Variants in ICA1 observed in about 807,000 individuals in gnomAD.
The protein encoded by ICA1 is 69 kDa islet cell autoantigen.
A neutral mutation model predicts 71.0 loss-of-function variants in ICA1; 40 were observed. That is an observed-to-expected ratio of 0.56 (90% CI 0.44 to 0.73). The LOEUF is 0.73. ICA1 is among the 30% of genes least tolerant of loss of function. The pLI, the probability that ICA1 is intolerant of heterozygous loss-of-function variation, is 0.00. For synonymous variants in ICA1, 207 were observed against 209.5 expected (o/e 0.99, Z 0.10); for missense variants, 578 against 576.5 (o/e 1.00, Z -0.03).
At chr7:8,211,288 T>A (rs1475860513) in intron 6 of ICA1, among the ~76,000 whole-genome samples, 1 of 152,306 alleles carries the variant, frequency 6.6e-6, no homozygotes, top group Non-Finnish European at 1.5e-5. Flanking sequence ...AGAGCTTGCC[T>A]TGTGCCATGT....
intron 6 of ICA1, among the ~76,000 whole-genome samples, chr7:8,165,178 T>A (rs1230924164): frequency 6.6e-6 from 1 of 152,236 alleles, no homozygotes; most frequent in Non-Finnish European, 1.5e-5. Context: ...AACCAAGACC[T>A]CTCGAGGGCC....
intron 6 of ICA1, among the ~76,000 whole-genome samples, chr7:8,184,319 T>C (rs554724813): frequency 1.3e-5 from 2 of 152,368 alleles, no homozygotes; most frequent in East Asian, 1.9e-4. Flanking sequence ...GCCATTTCCA[T>C]GCTCCAAGAG....
At chr7:8,256,455 C>T (rs1409169856) in intron 1 of ICA1, among the ~76,000 whole-genome samples, 1 of 152,164 alleles carries the variant, frequency 6.6e-6, no homozygotes, top group African/African-American at 2.4e-5. Flanking sequence ...ATACTATGCA[C>T]TTCAAGGACT....
intron 8 of ICA1, among the ~76,000 whole-genome samples, chr7:8,145,688 G>A (rs1208180355): frequency 3.4e-5 from 5 of 147,718 alleles, no homozygotes; most frequent in Non-Finnish European, 7.4e-5. Context: ...TTAAAATGAT[G>A]ATGATTTTCA....
intron 6 of ICA1, among the ~76,000 whole-genome samples, chr7:8,169,150 T>C (rs983751591): frequency 6.6e-6 from 1 of 152,158 alleles, no homozygotes; most frequent in African/African-American, 2.4e-5. Flanking sequence ...ATTCTTTCAC[T>C]CAGCACAATC....
intron 1 of ICA1, among the ~76,000 whole-genome samples, chr7:8,253,978 G>A (rs965238153): frequency 1.3e-5 from 2 of 152,124 alleles, no homozygotes; most frequent in African/African-American, 2.4e-5. Flanking sequence ...TGTTTATAAG[G>A]TTCTCTTCCT....
Position 8,218,323 on chromosome 7 carries a change from T to A in ICA1, c.561A>T (p.Gln187His). The A allele has an allele frequency of 6.2e-7, 1 of 1,614,098 alleles. No individual in the cohort carries two copies. The highest frequency in any genetic ancestry group is 2.2e-5 in the East Asian group (1 of 44,880). Residue 187 changes from glutamine (Q) to histidine (H), a missense_variant, in exon 6 of 14, where the codon CAA (glutamine) becomes CAT (histidine). Transcript: ENST00000402384. ...CTCCTACCTTCCTGAACTTCTCCAT[T>A]TGCTTGTAGAGGTCTGGATCAAGCT... is the stretch of plus-strand genomic sequence containing the variant. ...SQELDPDLYK[Q>H]MEKFRKVQTQ...
intron 6 of ICA1, among the ~76,000 whole-genome samples, chr7:8,207,253 G>A (rs1409487246): frequency 1.3e-5 from 2 of 152,168 alleles, no homozygotes; most frequent in African/African-American, 4.8e-5. Flanking sequence ...GTGTTACCAA[G>A]CCCGAAAATC....
At chr7:8,245,093 A>G (rs900253857) in intron 1 of ICA1, among the ~76,000 whole-genome samples, 4 of 152,226 alleles carry the variant, frequency 2.6e-5, no homozygotes, top group African/African-American at 9.6e-5. Flanking sequence ...TCATGCTGCT[A>G]TAAAGACACA....
chr7:8,203,537 C>T (rs79605941), intron 6 of ICA1, among the ~76,000 whole-genome samples: 2,944 of 152,090 alleles, frequency 0.019, 76 homozygotes, highest in African/African-American at 0.066. Flanking sequence ...TCTGGGAGCC[C>T]ATTAAAAGTC....
intron 6 of ICA1, among the ~76,000 whole-genome samples, chr7:8,169,881 T>G (rs1584849865): frequency 6.8e-6 from 1 of 146,520 alleles, no homozygotes; most frequent in East Asian, 2.0e-4. Flanking sequence ...TATGGTTGTG[T>G]GTGTGTGTTT....
intron 9 of ICA1, among the ~76,000 whole-genome samples, chr7:8,142,584 G>T (rs1795597839): frequency 6.6e-6 from 1 of 152,356 alleles, no homozygotes; most frequent in Non-Finnish European, 1.5e-5. Context: ...AGAAGGTGCA[G>T]GGACCCACTT....
intron 3 of ICA1, among the ~76,000 whole-genome samples, chr7:8,231,383 A>G (rs1391591530): frequency 6.6e-6 from 1 of 152,168 alleles, no homozygotes; most frequent in Non-Finnish European, 1.5e-5. Flanking sequence ...TGCAGTCTAA[A>G]TGGTTCCTGA....
intron 13 of ICA1, among the ~76,000 whole-genome samples, chr7:8,126,876 G>T (rs910540094): frequency 1.3e-5 from 2 of 152,210 alleles, no homozygotes; most frequent in South Asian, 4.1e-4. Flanking sequence ...ATGAGTTTCA[G>T]GCTTTGCACT....
intron 5 of ICA1, among the ~76,000 whole-genome samples, chr7:8,220,973 CACTGAAGG>C (rs1008180799): frequency 2.0e-5 from 3 of 151,986 alleles, no homozygotes; most frequent in Non-Finnish European, 4.4e-5. Flanking sequence ...CTACAAGCAA[CACTGAAGG>C]TCAAACATAA....
intron 12 of ICA1, among the ~76,000 whole-genome samples, chr7:8,135,909 G>C (rs1011273188): frequency 6.6e-6 from 1 of 152,018 alleles, no homozygotes; most frequent in Non-Finnish European, 1.5e-5. Flanking sequence ...TCAGGTATCT[G>C]CTATTCATTT....
chr7:8,157,656 T>A, intron 7 of ICA1: 1 of 156,348 alleles, frequency 6.4e-6, no homozygotes, highest in Non-Finnish European at 1.4e-5. Flanking sequence ...AGATTCTTCC[T>A]AAACTTTGAG....
At chr7:8,152,638 TCTC>T (rs1315087083) in intron 8 of ICA1, among the ~76,000 whole-genome samples, 2 of 84,614 alleles carry the variant, frequency 2.4e-5, no homozygotes, top group Non-Finnish European at 4.6e-5. Flanking sequence ...ACTACCACCA[TCTC>T]CTCCACCACC....
chr7:8,146,665 T>A (rs781389581), intron 8 of ICA1, among the ~76,000 whole-genome samples: 1 of 151,644 alleles, frequency 6.6e-6, no homozygotes, highest in Non-Finnish European at 1.5e-5. Context: ...GACTGCAGCC[T>A]GGATGTTCAT....
Sources: gnomAD v4.1 joint callset for allele counts (sites outside exome capture counted in the v4.1 genomes callset) on GRCh38, gnomAD v4.1.1 for gene constraint, MANE v1.5 for transcripts, NCBI Gene and HGNC (gene_info 2026-07-23, HGNC 2026-07-21) for gene names.